The following ENAH variants were observed in gnomAD, a reference collection of about 807,000 sequenced individuals.
The protein encoded by ENAH is protein enabled homolog.
A neutral mutation model predicts 78.7 loss-of-function variants in ENAH; 23 were observed. That is an observed-to-expected ratio of 0.29 (90% CI 0.21 to 0.41). The LOEUF (loss-of-function observed/expected upper bound fraction) is 0.41, where lower values mean the gene tolerates loss of function less well. Ranked by LOEUF, ENAH falls within the 10% of genes least tolerant of loss-of-function variation. The pLI is 1.00. For missense variants in ENAH, 544 were observed against 691.0 expected, an observed-to-expected ratio of 0.79 and a Z score of 2.39; for synonymous variants, 226 against 241.0, an observed-to-expected ratio of 0.94 and a Z score of 0.58.
intron 1 of ENAH, among the ~76,000 whole-genome samples, chr1:225,620,408 C>A (rs1288172244): frequency 6.6e-6 from 1 of 151,542 alleles, no homozygotes; most frequent in Non-Finnish European, 1.5e-5. Context: ...TGCCTGTAGT[C>A]CCAGCTACTT....
chr1:225,556,004 T>C (rs555058284), intron 2 of ENAH, among the ~76,000 whole-genome samples: 1 of 152,320 alleles, frequency 6.6e-6, no homozygotes, highest in East Asian at 1.9e-4. Flanking sequence ...TGCTCTCTTA[T>C]CCTCAAAATT....
intron 1 of ENAH, among the ~76,000 whole-genome samples, chr1:225,587,079 T>G (rs1191874045): frequency 6.6e-6 from 1 of 152,206 alleles, no homozygotes; most frequent in African/African-American, 2.4e-5. Context: ...TTAAAATATC[T>G]AGAACATCAT....
intron 12 of ENAH, among the ~76,000 whole-genome samples, chr1:225,498,951 G>GT (rs2096265397): frequency 6.6e-6 from 1 of 152,146 alleles, no homozygotes; most frequent in African/African-American, 2.4e-5. Flanking sequence ...TGAGGCCCTG[G>GT]TTGACCCATG....
intron 3 of ENAH, among the ~76,000 whole-genome samples, chr1:225,553,545 C>A (rs1474423852): frequency 6.6e-6 from 1 of 150,746 alleles, no homozygotes; most frequent in African/African-American, 2.4e-5. Context: ...TTATTTATCA[C>A]ATAACTGACC....
chr1:225,510,910 G>C (rs1438816384), intron 10 of ENAH, among the ~76,000 whole-genome samples: 1 of 151,824 alleles, frequency 6.6e-6, no homozygotes, highest in Non-Finnish European at 1.5e-5. Context: ...CTACTTAGGG[G>C]GCTGGGGGGC....
At chr1:225,521,427 G>T (rs542962496) in intron 4 of ENAH, among the ~76,000 whole-genome samples, 5 of 152,210 alleles carry the variant, frequency 3.3e-5, no homozygotes, top group African/African-American at 4.8e-5. Context: ...GGGAGGCCGA[G>T]GTCAGGAGTT....
chr1:225,648,836 T>C lies in ENAH; in HGVS notation c.5+3850A>G, dbSNP rs564984831. 4.0e-5 allele frequency among the ~76,000 whole-genome samples: 6 copies of C among 151,678 alleles called. No homozygotes were observed. The East Asian group carries it at 7.8e-4, about 20-fold the overall frequency. ...ACCTGGATCTTCTGACCCTTGATTG[T>C]ACCACACTCTGAAATGTATATAAAA... On this transcript the variant is annotated intron_variant, in intron 1 of 13. Coordinates refer to ENST00000366843, the MANE Select transcript of ENAH (RefSeq NM_018212.6).
rs1381585618 is a variant in ENAH, at chr1:225,499,314, A to G, written c.1618-910T>C. Among the ~76,000 whole-genome samples, 3 of 152,138 alleles carry G rather than the reference A, an allele frequency of 2.0e-5. No individual in the cohort carries two copies. The East Asian group carries it at 5.8e-4, about 29-fold the overall frequency. On this transcript the variant is annotated intron_variant, in intron 12 of 13. Transcript: ENST00000366843. ...ATAATGCAGCTACTAGAAAAATTTT[A>G]AAATATATACGTAGCCCACATTATA...
chr1:225,575,321 C>T (rs1240503493), intron 1 of ENAH, among the ~76,000 whole-genome samples: 1 of 152,172 alleles, frequency 6.6e-6, no homozygotes, highest in Non-Finnish European at 1.5e-5. Context: ...TTATTCTTCC[C>T]TCTCAATGCT....
At chr1:225,650,939 A>G (rs1001994121) in intron 1 of ENAH, among the ~76,000 whole-genome samples, 3 of 151,310 alleles carry the variant, frequency 2.0e-5, no homozygotes, top group Non-Finnish European at 4.4e-5. Context: ...GAAACAACTG[A>G]TAACTTCTGG....
chr1:225,488,385 C>T lies in ENAH; in HGVS notation c.*9390G>A, dbSNP rs2096208611. The T allele has an allele frequency of 6.6e-6, 1 of 152,172 alleles. No homozygotes were observed. The highest frequency in any genetic ancestry group is 2.4e-5 in the African/African-American group (1 of 41,438). The allele number at this position is 152,172 out of a possible 1,614,324, so 9.4% of individuals were successfully genotyped here. ...AAGCTTCCAATGAGAACTCAGAAGG[C>T]ATTCACTCTGCCTGAAGTTGTGCTC... On this transcript the variant is annotated 3_prime_UTR_variant, in exon 14 of 14. Transcript: ENST00000366843.
At chr1:225,622,784 G>T (rs1657229446) in intron 1 of ENAH, among the ~76,000 whole-genome samples, 1 of 152,134 alleles carries the variant, frequency 6.6e-6, no homozygotes, top group South Asian at 2.1e-4. Context: ...TCAGACCATA[G>T]CACTATGGCA....
intron 1 of ENAH, among the ~76,000 whole-genome samples, chr1:225,568,788 GAC>G (rs1486041084): frequency 1.3e-5 from 2 of 152,226 alleles, no homozygotes; most frequent in Non-Finnish European, 2.9e-5. Context: ...TGTCCTTGAT[GAC>G]AGAGGATCAC....
intron 1 of ENAH, among the ~76,000 whole-genome samples, chr1:225,598,619 A>G (rs974788576): frequency 1.3e-5 from 2 of 152,118 alleles, no homozygotes; most frequent in African/African-American, 4.8e-5. Context: ...ACACAAATGT[A>G]TAACCTTTAA....
chr1:225,591,777 A>G (rs1276423721), intron 1 of ENAH, among the ~76,000 whole-genome samples: 2 of 148,862 alleles, frequency 1.3e-5, no homozygotes, highest in Non-Finnish European at 2.9e-5. Context: ...AAAAAAAAAA[A>G]AAAAAAAAAA....
intron 10 of ENAH, among the ~76,000 whole-genome samples, chr1:225,510,129 C>T (rs1032409221): frequency 2.6e-5 from 4 of 152,164 alleles, no homozygotes; most frequent in Non-Finnish European, 1.5e-5. Flanking sequence ...GTGCCTGACA[C>T]AATGTCAGTT....
chr1:225,598,638 A>G (rs2096914518), intron 1 of ENAH, among the ~76,000 whole-genome samples: 1 of 152,134 alleles, frequency 6.6e-6, no homozygotes, highest in African/African-American at 2.4e-5. Context: ...AAACCAGAGA[A>G]AGAAAATTCT....
Position 225,494,064 on chromosome 1 carries a change from C to CAAAAAAAAAAAAAAA in ENAH, c.*3696_*3710dup. Reference sequence around the variant, plus strand: ...AGCAAGAACATGAGACAGGCTAGAGCAAAAAAAAAAAAAAAAAAACAGCTG... The same window carrying CAAAAAAAAAAAAAAA: ...AGCAAGAACATGAGACAGGCTAGAGCAAAAAAAAAAAAAAAAAAAAAAAAAAAAAAAAAACAGCTG... On this transcript the variant is annotated 3_prime_UTR_variant, in exon 14 of 14. Coordinates refer to ENST00000366843, the MANE Select transcript of ENAH (RefSeq NM_018212.6). The CAAAAAAAAAAAAAAA allele has an allele frequency of 1.4e-5, 1 of 73,146 alleles. No homozygotes were observed. Among genetic ancestry groups the CAAAAAAAAAAAAAAA allele is most frequent in the Non-Finnish European group, 2.4e-5 (1 of 41,080 alleles). 4.5% of individuals were successfully genotyped at this position (73,146 alleles called of 1,614,324 possible).
intron 11 of ENAH, among the ~76,000 whole-genome samples, chr1:225,507,664 T>A (rs1002872906): frequency 3.3e-5 from 5 of 152,158 alleles, no homozygotes; most frequent in Admixed American, 2.0e-4. Flanking sequence ...ATCCTTTTAA[T>A]TTTTCTGTAG....
Sources: allele counts gnomAD v4.1 joint callset (sites outside exome capture counted in the v4.1 genomes callset), GRCh38; gene constraint gnomAD v4.1.1; transcripts MANE v1.5; gene names NCBI Gene and HGNC (gene_info 2026-07-23, HGNC 2026-07-21).